DMXL1: variants seen among roughly 807,000 people sequenced by gnomAD.
DMXL1 encodes the protein dmX-like protein 1.
DMXL1 carries 99 observed loss-of-function variants against 319.2 expected under a neutral mutation model. That is an observed-to-expected ratio of 0.31 (90% CI 0.26 to 0.37). The LOEUF is 0.37. Among genes scored for constraint, DMXL1 ranks in the 10% least tolerant of loss-of-function variants. DMXL1 has a pLI of 1.00. For missense variants in DMXL1, 3,745 were observed against 3,595.6 expected (o/e 1.04, Z -1.06); for synonymous variants, 1,385 against 1,235.2 (o/e 1.12, Z -2.54).
intron 39 of DMXL1, 112 bp from the exon 40 acceptor site, chr5:119,237,210 G>A: frequency 1.8e-6 from 1 of 549,496 alleles, no homozygotes; most frequent in South Asian, 3.4e-5. Flanking sequence ...AAAATCACAT[G>A]ACATACAGTC....
chr5:119,131,083 G>A (rs1030487002), intron 10 of DMXL1, among the ~76,000 whole-genome samples: 2 of 149,970 alleles, frequency 1.3e-5, no homozygotes, highest in African/African-American at 4.9e-5. Context: ...AAATTAAGCA[G>A]AATATCTTTT....
intron 36 of DMXL1, 59 bp from the exon 37 acceptor site, chr5:119,220,881 A>C (rs2150580030): frequency 2.5e-6 from 4 of 1,573,386 alleles, no homozygotes; most frequent in Middle Eastern, 1.8e-4. Context: ...TAGACCTTTC[A>C]AGTGTAAAAA....
chr5:119,086,475 G>C (rs747206195), intron 1 of DMXL1, among the ~76,000 whole-genome samples: 44 of 152,190 alleles, frequency 2.9e-4, no homozygotes, highest in Non-Finnish European at 6.0e-4. Flanking sequence ...TTTTGTATCT[G>C]TCTTCATGTG....
At chr5:119,143,076 A>G (rs1410882090) in intron 13 of DMXL1, among the ~76,000 whole-genome samples, 2 of 152,068 alleles carry the variant, frequency 1.3e-5, no homozygotes, top group African/African-American at 4.8e-5. Context: ...GGACTTCTTC[A>G]TGTTGGAAGT....
intron 10 of DMXL1, 139 bp from the exon 11 acceptor site, chr5:119,132,993 G>C: frequency 1.3e-6 from 1 of 785,286 alleles, no homozygotes; most frequent in Non-Finnish European, 2.0e-6. Context: ...GTGAGGTGTG[G>C]CGGAAGGGGT....
intron 10 of DMXL1, among the ~76,000 whole-genome samples, chr5:119,132,190 C>G (rs1765052337): frequency 6.6e-6 from 1 of 151,572 alleles, no homozygotes; most frequent in African/African-American, 2.4e-5. Context: ...TAAGAAAAGG[C>G]TCTACACTAG....
chr5:119,196,600 C>T, intron 31 of DMXL1, 144 bp downstream of exon 31: 1 of 630,902 alleles, frequency 1.6e-6, no homozygotes, highest in Non-Finnish European at 2.8e-6. Context: ...TTAACTAAAC[C>T]AACCATCTGT....
intron 2 of DMXL1, among the ~76,000 whole-genome samples, chr5:119,098,590 T>C (rs181178951): frequency 6.6e-6 from 1 of 152,330 alleles, no homozygotes; most frequent in Admixed American, 6.5e-5. Flanking sequence ...AAAAACTTTA[T>C]CTGGACTTCT....
At chr5:119,241,921 A>C (rs12108883) in intron 42 of DMXL1, among the ~76,000 whole-genome samples, 54 of 152,310 alleles carry the variant, frequency 3.5e-4, no homozygotes, top group African/African-American at 1.3e-3. Flanking sequence ...AAATTATAAC[A>C]GTAGTACAGT....
intron 9 of DMXL1, 49 bp from the exon 10 acceptor site, chr5:119,129,162 A>G (rs1336558131): frequency 4.3e-6 from 5 of 1,163,284 alleles, no homozygotes; most frequent in South Asian, 1.5e-5. Flanking sequence ...TGGATGTTTC[A>G]TATGCTAGAA....
chr5:119,240,760 T>C (rs1788624726), intron 42 of DMXL1, among the ~76,000 whole-genome samples: 1 of 152,232 alleles, frequency 6.6e-6, no homozygotes, highest in Admixed American at 6.5e-5. Context: ...CTCAATATTA[T>C]GTCCCCTCTT....
In DMXL1 at chr5:119,134,402, T is replaced by A. The variant is rs767441128; in HGVS notation, c.2376+13T>A. Reference sequence around the variant, plus strand: ...CCCTGAAATTTCTGTAAGTAATGTCTTTTAAAACAGCTTAAGTATATAATA... The same window carrying A: ...CCCTGAAATTTCTGTAAGTAATGTCATTTAAAACAGCTTAAGTATATAATA... On this transcript the variant is annotated intron_variant, in intron 13 of 43. Coordinates refer to ENST00000539542, the MANE Select transcript of DMXL1 (RefSeq NM_001290321.3). 5 of 1,596,776 alleles carry A rather than the reference T, an allele frequency of 3.1e-6. No individual in the cohort carries two copies. Among genetic ancestry groups the A allele is most frequent in the Non-Finnish European group, 3.4e-6 (4 of 1,171,574 alleles).
At chr5:119,191,972 T>C (rs1244976126) in intron 29 of DMXL1, among the ~76,000 whole-genome samples, 1 of 152,214 alleles carries the variant, frequency 6.6e-6, no homozygotes, top group Non-Finnish European at 1.5e-5. Flanking sequence ...TTCAATTTTA[T>C]TGTTGCTTTT....
At chr5:119,185,337 G>C (rs1256582308) in intron 28 of DMXL1, among the ~76,000 whole-genome samples, 5 of 151,964 alleles carry the variant, frequency 3.3e-5, no homozygotes, top group African/African-American at 1.2e-4. Context: ...CTTGCTCTGT[G>C]GTTTGGAGAC....
Position 119,192,444 on chromosome 5 carries a change from C to G in DMXL1, c.7315-1384C>G, listed in dbSNP as rs147448039. Among the ~76,000 whole-genome samples, 777 of 152,200 alleles carry G rather than the reference C, an allele frequency of 5.1e-3. 5 individuals carry two copies. Among genetic ancestry groups the G allele is most frequent in the Non-Finnish European group, 7.1e-3 (486 of 67,990 alleles). ...CCTGAAACTTTTTCCAGCTGCTATCCCATTTCTCTGTTCCCACTCACATTC... is the reference window on the plus strand; with the variant it reads ...CCTGAAACTTTTTCCAGCTGCTATCGCATTTCTCTGTTCCCACTCACATTC... On this transcript the variant is annotated intron_variant, in intron 29 of 43. Transcript: ENST00000539542.
chr5:119,193,498 T>C (rs896467760), intron 29 of DMXL1, among the ~76,000 whole-genome samples: 4 of 152,158 alleles, frequency 2.6e-5, no homozygotes, highest in African/African-American at 9.7e-5. Flanking sequence ...CATAATACAG[T>C]TTGTATTTAG....
At chr5:119,227,748 T>C (rs1785869747) in intron 38 of DMXL1, among the ~76,000 whole-genome samples, 1 of 152,192 alleles carries the variant, frequency 6.6e-6, no homozygotes, top group African/African-American at 2.4e-5. Flanking sequence ...ACGACCGATG[T>C]TTCCAATTAT....
intron 19 of DMXL1, among the ~76,000 whole-genome samples, chr5:119,162,274 G>A (rs747527981): frequency 1.3e-5 from 2 of 152,178 alleles, no homozygotes; most frequent in Non-Finnish European, 2.9e-5. Flanking sequence ...GGGGTAAAAT[G>A]GCATTTTCTA....
chr5:119,197,622 G>A, intron 31 of DMXL1, 133 bp from the exon 32 acceptor site: 1 of 807,210 alleles, frequency 1.2e-6, no homozygotes, highest in Non-Finnish European at 2.0e-6. Flanking sequence ...CTGCCAAAGT[G>A]TATGTTAATA....
Sources: allele counts gnomAD v4.1 joint callset (sites outside exome capture counted in the v4.1 genomes callset), GRCh38; gene constraint gnomAD v4.1.1; transcripts MANE v1.5; gene names NCBI Gene and HGNC (gene_info 2026-07-23, HGNC 2026-07-21).